Variants in C17orf67 observed in about 807,000 individuals in gnomAD.
C17orf67 encodes the protein uncharacterized protein C17orf67.
C17orf67 carries 12 observed loss-of-function variants against 11.2 expected under a neutral mutation model. That is an observed-to-expected ratio of 1.07 (90% CI 0.68 to 1.73). The LOEUF (loss-of-function observed/expected upper bound fraction) is 1.73, where lower values mean the gene tolerates loss of function less well. Ranked by LOEUF, C17orf67 falls within the 40% of genes most tolerant of loss-of-function variation. C17orf67 has a pLI of 0.00. For missense variants in C17orf67, 115 were observed against 113.5 expected (o/e 1.01, Z -0.06); for synonymous variants, 59 against 46.9 (o/e 1.26, Z -1.05).
intron 4 of C17orf67, among the ~76,000 whole-genome samples, chr17:56,819,801 TCGGCAAGG>T (rs746339324): frequency 3.9e-5 from 6 of 152,028 alleles, no homozygotes; most frequent in Non-Finnish European, 8.8e-5. Flanking sequence ...ACGAGGTGAG[TCGGCAAGG>T]CTCCCAGTAG....
Position 56,815,918 on chromosome 17 carries a change from G to C in C17orf67, c.-108C>G. ...GCGCTTGTTTATGCTTTGACTAACG[G>C]GACTTACGGTATGATGCTGAATGTA... On this transcript the variant is annotated 5_prime_UTR_variant, in exon 5 of 8. Coordinates refer to ENST00000397861, the MANE Select transcript of C17orf67 (RefSeq NM_001085430.4). The C allele has an allele frequency of 6.3e-7, 1 of 1,580,946 alleles. No homozygotes were observed.
intron 2 of C17orf67, 113 bp from the exon 3 acceptor site, chr17:56,825,434 CA>C (rs1383431813): frequency 2.0e-4 from 30 of 152,156 alleles, no homozygotes; most frequent in Admixed American, 1.3e-3. Flanking sequence ...TGTATCTCCT[CA>C]GGTGTGGCAA....
At chr17:56,812,375 C>A (rs12946237) in intron 6 of C17orf67, among the ~76,000 whole-genome samples, 118,205 of 152,140 alleles carry the variant, frequency 0.78, 46,053 homozygotes, top group Middle Eastern at 0.85. Flanking sequence ...CAGGTGTAAC[C>A]ACCAAAAATG....
intron 7 of C17orf67, 109 bp downstream of exon 7, chr17:56,794,934 GC>G: frequency 1.4e-6 from 1 of 697,950 alleles, no homozygotes. Context: ...CCCATAACCA[GC>G]TAACCAGCTG....
intron 3 of C17orf67, 49 bp from the exon 4 acceptor site, chr17:56,824,902 T>C (rs922508563): frequency 3.3e-5 from 5 of 152,250 alleles, no homozygotes; most frequent in African/African-American, 1.2e-4. Flanking sequence ...ACGATAGTAG[T>C]TCCTTCTGAT....
At chr17:56,828,519 ACT>A (rs1906102566) in intron 2 of C17orf67, among the ~76,000 whole-genome samples, 1 of 152,312 alleles carries the variant, frequency 6.6e-6, no homozygotes, top group African/African-American at 2.4e-5. Flanking sequence ...TTTATTCAAA[ACT>A]TTTTTGATGT....
chr17:56,821,798 G>C (rs185351190), intron 4 of C17orf67, among the ~76,000 whole-genome samples: 37 of 152,290 alleles, frequency 2.4e-4, no homozygotes, highest in African/African-American at 7.9e-4. Flanking sequence ...ACATGACTTT[G>C]CAGCCCCATG....
chr17:56,818,963 T>A (rs1278640376), intron 4 of C17orf67, among the ~76,000 whole-genome samples: 1 of 152,150 alleles, frequency 6.6e-6, no homozygotes, highest in Non-Finnish European at 1.5e-5. Flanking sequence ...GATTCTAGTT[T>A]CCCTCCCTGT....
In C17orf67 at chr17:56,833,177, C is replaced by G. The variant is rs1906285411; in HGVS notation, c.-836G>C. On this transcript the variant is annotated 5_prime_UTR_variant, in exon 2 of 8. Transcript: ENST00000397861. ...GCGCGCCGGGGCGGTGCCTGTGCCT[C>G]TCTGGATTCCGTGTTTCTTCGGGGG... The G allele has an allele frequency of 1.3e-5, 2 of 152,896 alleles. No individual in the cohort carries two copies. Among genetic ancestry groups the G allele is most frequent in the African/African-American group, 2.4e-5 (1 of 41,482 alleles). 9.5% of individuals were successfully genotyped at this position (152,896 alleles called of 1,614,324 possible).
chr17:56,818,269 T>G (rs1023809120), intron 4 of C17orf67, among the ~76,000 whole-genome samples: 1 of 152,240 alleles, frequency 6.6e-6, no homozygotes, highest in Admixed American at 6.5e-5. Context: ...AGAACACTAT[T>G]TTGTTTTATC....
chr17:56,795,001 C>T (rs1230053313), intron 7 of C17orf67, 43 bp downstream of exon 7: 4 of 1,403,364 alleles, frequency 2.9e-6, no homozygotes, highest in Non-Finnish European at 3.0e-6. Flanking sequence ...CTGTCCCCCA[C>T]CACTCCCTCA....
At chr17:56,830,611 C>G (rs561441989) in intron 2 of C17orf67, among the ~76,000 whole-genome samples, 1 of 152,040 alleles carries the variant, frequency 6.6e-6, no homozygotes, top group Non-Finnish European at 1.5e-5. Flanking sequence ...TTAGCCACCA[C>G]GCCTGGCTAA....
intron 6 of C17orf67, among the ~76,000 whole-genome samples, chr17:56,796,656 G>T (rs1007111969): frequency 1.3e-5 from 2 of 152,140 alleles, no homozygotes; most frequent in African/African-American, 4.8e-5. Flanking sequence ...ATAAGACTGA[G>T]CATCGGGACG....
chr17:56,832,149 T>C (rs1030115124), intron 2 of C17orf67, among the ~76,000 whole-genome samples: 3 of 152,232 alleles, frequency 2.0e-5, no homozygotes, highest in African/African-American at 7.2e-5. Flanking sequence ...GGTTTCACCA[T>C]CTTGACCAGG....
chr17:56,805,971 CTTTTTTTT>C (rs10684052), intron 6 of C17orf67, among the ~76,000 whole-genome samples: 2 of 98,018 alleles, frequency 2.0e-5, no homozygotes, highest in African/African-American at 7.9e-5. Flanking sequence ...GTTGATTTTC[CTTTTTTTT>C]TTTTTTTTTT....
chr17:56,800,682 T>G (rs1038582954), intron 6 of C17orf67, among the ~76,000 whole-genome samples: 7 of 152,196 alleles, frequency 4.6e-5, no homozygotes, highest in African/African-American at 1.4e-4. Context: ...GGCCTCAGCT[T>G]AGATGTTACT....
chr17:56,831,212 G>A (rs1313374202), intron 2 of C17orf67, among the ~76,000 whole-genome samples: 1 of 152,104 alleles, frequency 6.6e-6, no homozygotes, highest in Non-Finnish European at 1.5e-5. Context: ...GTGGAGGGGG[G>A]GATGGAGAGA....
intron 2 of C17orf67, among the ~76,000 whole-genome samples, chr17:56,830,369 A>T (rs1323234422): frequency 6.6e-6 from 1 of 152,076 alleles, no homozygotes; most frequent in Admixed American, 6.5e-5. Context: ...AAAAAGAAAA[A>T]ATTTATGCAA....
rs1288468981 is a variant in C17orf67 at position 56,833,737 on chromosome 17, A to G, written c.-1121T>C. ...CGGCATCGGCTAGAGGTTCGGCTCAAGTCGGGGGCACTCGTGTCTGCGCCG... is the reference window on the plus strand; with the variant it reads ...CGGCATCGGCTAGAGGTTCGGCTCAGGTCGGGGGCACTCGTGTCTGCGCCG... On this transcript the variant is annotated 5_prime_UTR_variant, in exon 1 of 8. Transcript: ENST00000397861. The G allele has an allele frequency of 6.6e-6, 1 of 151,712 alleles. No homozygotes were observed. The highest frequency in any genetic ancestry group is 1.5e-5 in the Non-Finnish European group (1 of 67,880). 9.4% of individuals were successfully genotyped at this position (151,712 alleles called of 1,614,324 possible). A position where few individuals can be genotyped will look rare whatever the true frequency, so the allele number is the denominator to read the frequency against.
Sources: allele counts gnomAD v4.1 joint callset (sites outside exome capture counted in the v4.1 genomes callset), GRCh38; gene constraint gnomAD v4.1.1; transcripts MANE v1.5; gene names NCBI Gene and HGNC (gene_info 2026-07-23, HGNC 2026-07-21).